The following DGKI variants were observed in gnomAD, a reference collection of about 807,000 sequenced individuals.
DGKI encodes diacylglycerol kinase iota.
DGKI carries 55 observed loss-of-function variants against 147.5 expected under a neutral mutation model. That is an observed-to-expected ratio of 0.37 (90% confidence interval 0.30 to 0.47). The LOEUF is 0.47. Ranked by LOEUF, DGKI falls within the 20% of genes least tolerant of loss-of-function variation. The probability of loss-of-function intolerance (pLI) is 1.00; values close to 1 mark genes in which losing one functional copy is unlikely to be tolerated. For missense variants in DGKI, 1,007 were observed against 1,323.8 expected, an observed-to-expected ratio of 0.76 and a Z score of 3.71; for synonymous variants, 469 against 477.1, an observed-to-expected ratio of 0.98 and a Z score of 0.22.
At chr7:137,415,212 T>A (rs1308669588) in intron 28 of DGKI, among the ~76,000 whole-genome samples, 1 of 152,178 alleles carries the variant, frequency 6.6e-6, no homozygotes, top group African/African-American at 2.4e-5. Context: ...GCCCTCCGTA[T>A]CTGCAGGTTC....
intron 3 of DGKI, among the ~76,000 whole-genome samples, chr7:137,662,533 G>A (rs1052253592): frequency 0.15 from 24 of 160 alleles, no homozygotes; most frequent in African/African-American, 0.28. Flanking sequence ...GTGAGCCACC[G>A]CGCCCGGCCC....
At chr7:137,635,898 G>A (rs3778787) in intron 6 of DGKI, among the ~76,000 whole-genome samples, 8,303 of 152,230 alleles carry the variant, frequency 0.055, 704 homozygotes, top group African/African-American at 0.18. Flanking sequence ...GGCTTTGAGG[G>A]TCTAAATCCC....
intron 1 of DGKI, among the ~76,000 whole-genome samples, chr7:137,800,488 C>T (rs890057791): frequency 2.0e-5 from 3 of 152,138 alleles, no homozygotes; most frequent in Non-Finnish European, 2.9e-5. Flanking sequence ...GAGACACCTG[C>T]TCCCTCTTCG....
chr7:137,402,656 C>T (rs1585079482), intron 30 of DGKI, among the ~76,000 whole-genome samples: 2 of 152,320 alleles, frequency 1.3e-5, no homozygotes, highest in East Asian at 1.9e-4. Context: ...ATTCCTTCCA[C>T]TTCCCATGGC....
intron 16 of DGKI, 111 bp from the exon 17 acceptor site, chr7:137,577,395 C>T (rs986290046): frequency 3.9e-6 from 3 of 763,058 alleles, no homozygotes; most frequent in African/African-American, 1.8e-5. Context: ...AAATTCTAAA[C>T]ATGTTCTCTT....
chr7:137,733,132 C>G (rs1400146971), intron 1 of DGKI, among the ~76,000 whole-genome samples: 1 of 151,602 alleles, frequency 6.6e-6, no homozygotes, highest in African/African-American at 2.4e-5. Context: ...TTGCTCTGTT[C>G]TGTGGCATTA....
At chr7:137,665,120 G>A (rs1176830483) in intron 3 of DGKI, among the ~76,000 whole-genome samples, 1 of 152,218 alleles carries the variant, frequency 6.6e-6, no homozygotes, top group African/African-American at 2.4e-5. Flanking sequence ...CAGCAGGCCA[G>A]ATCATGCTGT....
At chr7:137,538,708 T>C (rs1343445171) in intron 20 of DGKI, among the ~76,000 whole-genome samples, 3 of 152,162 alleles carry the variant, frequency 2.0e-5, no homozygotes, top group African/African-American at 7.2e-5. Context: ...GGAGATCTTA[T>C]CCTGGTGAAG....
chr7:137,556,617 C>T (rs770836656), intron 19 of DGKI, among the ~76,000 whole-genome samples: 18 of 152,024 alleles, frequency 1.2e-4, no homozygotes, highest in Non-Finnish European at 2.6e-4. Flanking sequence ...AAAAACAGTA[C>T]ATGCAGACTT....
chr7:137,708,902 C>A (rs1207297980), intron 1 of DGKI, among the ~76,000 whole-genome samples: 1 of 152,120 alleles, frequency 6.6e-6, no homozygotes, highest in Non-Finnish European at 1.5e-5. Context: ...ATTCAGTAAG[C>A]ATATTAAAGG....
intron 1 of DGKI, among the ~76,000 whole-genome samples, chr7:137,833,856 C>T (rs1798290466): frequency 6.6e-6 from 1 of 152,174 alleles, no homozygotes; most frequent in South Asian, 2.1e-4. Context: ...CAAGGCTACA[C>T]ACAAGAGGAC....
At chr7:137,513,268 G>A (rs551200513) in intron 21 of DGKI, among the ~76,000 whole-genome samples, 39 of 152,186 alleles carry the variant, frequency 2.6e-4, no homozygotes, top group African/African-American at 7.5e-4. Context: ...GGGAGAACCT[G>A]CCCCACATTC....
At chr7:137,585,140 G>C in intron 14 of DGKI, 69 bp downstream of exon 14, 2 of 1,577,562 alleles carry the variant, frequency 1.3e-6, no homozygotes, top group Non-Finnish European at 1.7e-6. Context: ...TCTCCAGCCA[G>C]GATTTTTTTT....
chr7:137,818,118 A>G (rs535257840), intron 1 of DGKI, among the ~76,000 whole-genome samples: 2 of 152,354 alleles, frequency 1.3e-5, no homozygotes, highest in Non-Finnish European at 2.9e-5. Flanking sequence ...GCAGGCTACC[A>G]AGCTAAAAAC....
chr7:137,433,009 G>C (rs1008523761), intron 28 of DGKI, among the ~76,000 whole-genome samples: 8 of 152,156 alleles, frequency 5.3e-5, no homozygotes, highest in African/African-American at 1.4e-4. Flanking sequence ...GGATGTTACA[G>C]GATGCTAAGA....
At chr7:137,392,120 A>G (rs1811387160) in intron 32 of DGKI, among the ~76,000 whole-genome samples, 1 of 152,224 alleles carries the variant, frequency 6.6e-6, no homozygotes, top group African/African-American at 2.4e-5. Flanking sequence ...TCTTAGTAAT[A>G]TATCATAAAT....
chr7:137,573,919 A>G (rs1385671775), intron 17 of DGKI, among the ~76,000 whole-genome samples: 2 of 152,258 alleles, frequency 1.3e-5, no homozygotes, highest in African/African-American at 2.4e-5. Context: ...TCAAAAGAGA[A>G]TAACTCTAGT....
intron 1 of DGKI, among the ~76,000 whole-genome samples, chr7:137,829,774 C>T (rs1362605601): frequency 1.3e-5 from 2 of 152,214 alleles, no homozygotes; most frequent in Non-Finnish European, 2.9e-5. Flanking sequence ...ACATGGATTT[C>T]TTCATTGGCT....
intron 1 of DGKI, among the ~76,000 whole-genome samples, chr7:137,720,187 T>C (rs1794502913): frequency 1.3e-5 from 2 of 151,220 alleles, no homozygotes; most frequent in Non-Finnish European, 2.9e-5. Flanking sequence ...GAGCAACTAA[T>C]ATTATAACTA....
Sources: gnomAD v4.1 joint callset for allele counts (sites outside exome capture counted in the v4.1 genomes callset) on GRCh38, gnomAD v4.1.1 for gene constraint, MANE v1.5 for transcripts, NCBI Gene and HGNC (gene_info 2026-07-23, HGNC 2026-07-21) for gene names.